Variants in PNOC observed in about 807,000 individuals in gnomAD.
PNOC encodes prepronociceptin.
In PNOC, 10 loss-of-function variants were observed where a neutral mutation model predicts 15.6. The observed-to-expected ratio is 0.64, with a 90% CI of 0.40 to 1.09. PNOC has a LOEUF of 1.09. PNOC is among the 50% of genes least tolerant of loss of function. The pLI is 0.01. For synonymous variants in PNOC, 98 were observed against 88.5 expected, an observed-to-expected ratio of 1.11 and a Z score of -0.60; for missense variants, 220 against 223.9, an observed-to-expected ratio of 0.98 and a Z score of 0.11.
intron 1 of PNOC, among the ~76,000 whole-genome samples, chr8:28,322,704 A>T (rs1801169889): frequency 6.6e-6 from 1 of 152,218 alleles, no homozygotes; most frequent in South Asian, 2.1e-4. Flanking sequence ...ATTCCACCGC[A>T]ATGAGATGCC....
intron 1 of PNOC, among the ~76,000 whole-genome samples, chr8:28,325,539 C>T (rs1801210532): frequency 6.6e-6 from 1 of 151,608 alleles, no homozygotes; most frequent in Non-Finnish European, 1.5e-5. Context: ...TGTAATCTTG[C>T]TACTCAGGAG....
In PNOC at chr8:28,321,081, C is replaced by T. The variant is rs563837984; in HGVS notation, c.-24+3765C>T. ...ACAGACAGGGTCTCACTCTGTCACC[C>T]ACACTGGAGTGCAGTGGCACAATCA... On this transcript the variant is annotated intron_variant, in intron 1 of 3. Transcript: ENST00000301908. 4.6e-5 allele frequency among the ~76,000 whole-genome samples: 7 copies of T among 152,178 alleles called. No homozygotes were observed. The South Asian group carries it at 1.4e-3, about 32-fold the overall frequency.
intron 2 of PNOC, among the ~76,000 whole-genome samples, chr8:28,335,533 T>C (rs945626535): frequency 4.6e-5 from 7 of 152,214 alleles, no homozygotes; most frequent in African/African-American, 1.7e-4. Flanking sequence ...AAATTCTGTT[T>C]TGTTTTTTTC....
Position 28,329,296 on chromosome 8 carries a change from G to C in PNOC, c.126+13G>C, listed in dbSNP as rs1210464408. On this transcript the variant is annotated intron_variant, in intron 2 of 3. Transcript: ENST00000301908. ...CTTCGACCTGGAGGTAGGTCTCCAAGGCAAGGCAGAGAGGCTGTCCTCCTC... is the reference window on the plus strand; with the variant it reads ...CTTCGACCTGGAGGTAGGTCTCCAACGCAAGGCAGAGAGGCTGTCCTCCTC... 6.2e-7 allele frequency: 1 copy of C among 1,612,136 alleles called. No individual in the cohort carries two copies. Among genetic ancestry groups the C allele is most frequent in the South Asian group, 1.1e-5 (1 of 91,086 alleles).
chr8:28,322,624 C>G (rs1166924406), intron 1 of PNOC, among the ~76,000 whole-genome samples: 1 of 152,170 alleles, frequency 6.6e-6, no homozygotes. Flanking sequence ...GCTTATAAAG[C>G]AATTAGCGCA....
chr8:28,324,133 C>A (rs560622721), intron 1 of PNOC, among the ~76,000 whole-genome samples: 1 of 152,336 alleles, frequency 6.6e-6, no homozygotes, highest in South Asian at 2.1e-4. Context: ...TCAACAAGGT[C>A]TCCCTAAGTG....
chr8:28,332,772 G>GT (rs1475424604), intron 2 of PNOC, among the ~76,000 whole-genome samples: 1 of 152,250 alleles, frequency 6.6e-6, no homozygotes, highest in South Asian at 2.1e-4. Context: ...CCAACAAGGC[G>GT]AAACCCTGTC....
chr8:28,333,631 G>C (rs1285033493), intron 2 of PNOC, among the ~76,000 whole-genome samples: 1 of 152,172 alleles, frequency 6.6e-6, no homozygotes, highest in Non-Finnish European at 1.5e-5. Flanking sequence ...TCTGGGTATG[G>C]ACTGTGGCAT....
At chr8:28,334,754 A>G (rs1222824386) in intron 2 of PNOC, among the ~76,000 whole-genome samples, 1 of 152,150 alleles carries the variant, frequency 6.6e-6, no homozygotes, top group African/African-American at 2.4e-5. Flanking sequence ...TTGGCCTCCT[A>G]AAGTACTGGG....
intron 2 of PNOC, among the ~76,000 whole-genome samples, chr8:28,335,474 AT>A (rs1188099674): frequency 3.3e-5 from 5 of 152,362 alleles, no homozygotes; most frequent in African/African-American, 1.2e-4. Context: ...CTTTGTAAAA[AT>A]AAGTTTTAAT....
intron 2 of PNOC, among the ~76,000 whole-genome samples, chr8:28,337,362 A>G (rs913253014): frequency 6.6e-6 from 1 of 152,110 alleles, no homozygotes; most frequent in Non-Finnish European, 1.5e-5. Flanking sequence ...GAGTGCAGTG[A>G]CATGATAGCT....
chr8:28,330,386 A>ATTTTTTTTTTTTTTTTTTTTT (rs1365236960), intron 2 of PNOC, among the ~76,000 whole-genome samples: 5 of 59,788 alleles, frequency 8.4e-5, no homozygotes, highest in Admixed American at 2.5e-4. Flanking sequence ...ATTTTATTTT[A>ATTTTTTTTTTTTTTTTTTTTT]TTTTATTTTA....
At chr8:28,319,300 A>G (rs1009221086) in intron 1 of PNOC, among the ~76,000 whole-genome samples, 2 of 152,058 alleles carry the variant, frequency 1.3e-5, no homozygotes, top group Admixed American at 1.3e-4. Flanking sequence ...GGTAGAGGAG[A>G]GACGTAACAC....
At chr8:28,323,462 C>T (rs181225338) in intron 1 of PNOC, among the ~76,000 whole-genome samples, 1 of 152,348 alleles carries the variant, frequency 6.6e-6, no homozygotes, top group African/African-American at 2.4e-5. Flanking sequence ...TCCCATTTCA[C>T]AGTTGAGAAG....
intron 3 of PNOC, among the ~76,000 whole-genome samples, chr8:28,342,006 A>G (rs914419424): frequency 6.6e-6 from 1 of 152,186 alleles, no homozygotes; most frequent in African/African-American, 2.4e-5. Flanking sequence ...GACATGGAGA[A>G]GGCTGGGAAG....
intron 1 of PNOC, among the ~76,000 whole-genome samples, chr8:28,320,244 G>A (rs1801127905): frequency 6.6e-6 from 1 of 151,428 alleles, no homozygotes; most frequent in Non-Finnish European, 1.5e-5. Flanking sequence ...TCCCACAGTG[G>A]CTCAGATCCA....
At chr8:28,328,059 CTTTTTT>C (rs67204932) in intron 1 of PNOC, among the ~76,000 whole-genome samples, 21 of 82,052 alleles carry the variant, frequency 2.6e-4, no homozygotes, top group Non-Finnish European at 3.6e-4. Context: ...CTCTCTCTCT[CTTTTTT>C]TTTTTTTTTT....
upstream of PNOC, chr8:28,317,008 A>C (rs1270551565): frequency 6.6e-6 from 1 of 152,234 alleles, no homozygotes; most frequent in Non-Finnish European, 1.5e-5. Context: ...GAGCCTCTGG[A>C]AGCACAGGGA....
chr8:28,330,580 T>C (rs4732848), intron 2 of PNOC, among the ~76,000 whole-genome samples: 2 of 140,220 alleles, frequency 1.4e-5, no homozygotes, highest in Admixed American at 1.4e-4. Flanking sequence ...TTTTTTTTTG[T>C]ATTTTTAGTA....
Sources: allele counts gnomAD v4.1 joint callset (sites outside exome capture counted in the v4.1 genomes callset), GRCh38; gene constraint gnomAD v4.1.1; transcripts MANE v1.5; gene names NCBI Gene and HGNC (gene_info 2026-07-23, HGNC 2026-07-21).